EPS8: variants seen among roughly 807,000 people sequenced by gnomAD.
EPS8 encodes the protein EGFR pathway substrate 8, signaling adaptor.
In EPS8, 42 loss-of-function variants were observed where a neutral mutation model predicts 103.8. The observed-to-expected ratio is 0.40, with a 90% CI of 0.32 to 0.52. The LOEUF is 0.52. Ranked by LOEUF, EPS8 falls within the 20% of genes least tolerant of loss-of-function variation. The probability of loss-of-function intolerance (pLI) is 0.40; values close to 1 mark genes in which losing one functional copy is unlikely to be tolerated. For missense variants in EPS8, 969 were observed against 1,005.1 expected (o/e 0.96, Z 0.49); for synonymous variants, 344 against 344.6 (o/e 1.00, Z 0.02).
Position 15,696,319 on chromosome 12 carries a change from C to T in EPS8, c.-21-13347G>A, listed in dbSNP as rs569066284. On this transcript the variant is annotated intron_variant, in intron 1 of 20. Transcript: ENST00000281172. The surrounding 1 kb of genome is among the most constrained non-coding windows in gnomAD (Gnocchi z 4.8). ...AAATAAAACAGTAAAATCTATAAAA[C>T]ACTAACTTTAGAGACTTTCCAAGTT... Among the ~76,000 whole-genome samples the T allele has an allele frequency of 2.0e-5, 3 of 151,988 alleles. No homozygotes were observed. The highest frequency in any genetic ancestry group is 4.4e-5 in the Non-Finnish European group (3 of 67,984).
At chr12:15,680,293 C>T (rs561634510) in intron 3 of EPS8, among the ~76,000 whole-genome samples, 1 of 152,244 alleles carries the variant, frequency 6.6e-6, no homozygotes, top group South Asian at 2.1e-4. Flanking sequence ...AAGAATTTCA[C>T]AATTTAGAAA....
intron 1 of EPS8, among the ~76,000 whole-genome samples, chr12:15,732,550 A>G (rs1053859563): frequency 1.3e-5 from 2 of 152,234 alleles, no homozygotes; most frequent in African/African-American, 4.8e-5. Flanking sequence ...AAGACTATGA[A>G]GCCCGGCCTA....
intron 1 of EPS8, among the ~76,000 whole-genome samples, chr12:15,732,198 G>A (rs1033021409): frequency 7.2e-5 from 11 of 152,096 alleles, no homozygotes; most frequent in Non-Finnish European, 1.5e-4. Context: ...TCATCTTAAC[G>A]AGATGAATGG....
At chr12:15,783,551 A>G (rs1947280906) in intron 1 of EPS8, among the ~76,000 whole-genome samples, 1 of 152,156 alleles carries the variant, frequency 6.6e-6, no homozygotes, top group South Asian at 2.1e-4. Flanking sequence ...TAGCTGGTGC[A>G]TACATCAACT....
In EPS8 at chr12:15,702,314, C is replaced by G. The variant is rs912432177; in HGVS notation, c.-21-19342G>C. Among the ~76,000 whole-genome samples, 1 of 152,100 alleles carries G rather than the reference C, an allele frequency of 6.6e-6. No homozygotes were observed. The highest frequency in any genetic ancestry group is 2.4e-5 in the African/African-American group (1 of 41,416). ...ATCATCCTATTTCCTTAAAATCTAT[C>G]GTTTACACAGGCGACAAGGTGAATA... On this transcript the variant is annotated intron_variant, in intron 1 of 20. Transcript: ENST00000281172. The surrounding 1 kb of genome is among the most constrained non-coding windows in gnomAD (Gnocchi z 5.1).
At chr12:15,668,920 C>G (rs1350910966) in intron 6 of EPS8, among the ~76,000 whole-genome samples, 1 of 152,156 alleles carries the variant, frequency 6.6e-6, no homozygotes, top group East Asian at 1.9e-4. Context: ...GAGACACAAT[C>G]TCAATCTGTT....
At chr12:15,679,880 A>T (rs575564725) in intron 3 of EPS8, among the ~76,000 whole-genome samples, 6 of 152,234 alleles carry the variant, frequency 3.9e-5, no homozygotes, top group Non-Finnish European at 8.8e-5. Context: ...TCTAGAAATG[A>T]AAGACTGAAT....
In EPS8 at chr12:15,667,871, A is replaced by G. The variant is rs191439922; in HGVS notation, c.517-1349T>C. Among the ~76,000 whole-genome samples, 38 of 152,286 alleles carry G rather than the reference A, an allele frequency of 2.5e-4. No homozygotes were observed. The East Asian group carries it at 6.6e-3, about 26-fold the overall frequency. On this transcript the variant is annotated intron_variant, in intron 6 of 20. Coordinates refer to ENST00000281172, the MANE Select transcript of EPS8 (RefSeq NM_004447.6). ...GGACAAAACTATATTCAGTAAATAC[A>G]TTTTGAATCCATTATCATTACCATT...
chr12:15,637,060 C>T (rs991501035), intron 17 of EPS8, among the ~76,000 whole-genome samples: 1 of 152,210 alleles, frequency 6.6e-6, no homozygotes, highest in Non-Finnish European at 1.5e-5. Context: ...CTCGCTCTGT[C>T]GCCAGGCTGG....
At chr12:15,639,155 C>T (rs1460176504) in intron 17 of EPS8, among the ~76,000 whole-genome samples, 4 of 152,120 alleles carry the variant, frequency 2.6e-5, no homozygotes, top group African/African-American at 9.7e-5. Flanking sequence ...ATGAATAGTG[C>T]TTCTCATAGC....
chr12:15,674,943 T>C (rs748772732), intron 3 of EPS8, among the ~76,000 whole-genome samples: 1 of 152,210 alleles, frequency 6.6e-6, no homozygotes, highest in Non-Finnish European at 1.5e-5. Context: ...TCTTAAGTAC[T>C]ACTTGAATGT....
chr12:15,648,062 C>G (rs1265195316), intron 14 of EPS8, among the ~76,000 whole-genome samples: 1 of 152,226 alleles, frequency 6.6e-6, no homozygotes, highest in Non-Finnish European at 1.5e-5. Flanking sequence ...CGCAGCTCAT[C>G]TGACAGGAGA....
chr12:15,786,425 G>A (rs545137082), intron 1 of EPS8, among the ~76,000 whole-genome samples: 2 of 152,178 alleles, frequency 1.3e-5, no homozygotes, highest in Admixed American at 6.5e-5. Context: ...GAGACATTAC[G>A]AGGAAATACA....
In EPS8 at chr12:15,688,566, C is replaced by T. The variant is rs1428281700; in HGVS notation, c.-21-5594G>A. ...CAGCTGGACATTGAGAGGGGCACAT[C>T]GGCAGAGGAACACACCAACAGGCAC... On this transcript the variant is annotated intron_variant, in intron 1 of 20. Coordinates refer to ENST00000281172, the MANE Select transcript of EPS8 (RefSeq NM_004447.6). The surrounding 1 kb of genome is among the most constrained non-coding windows in gnomAD (Gnocchi z 5.1). 6.6e-6 allele frequency among the ~76,000 whole-genome samples: 1 copy of T among 152,086 alleles called. No individual in the cohort carries two copies. The highest frequency in any genetic ancestry group is 2.4e-5 in the African/African-American group (1 of 41,416).
rs142890819 is a variant in EPS8 at position 15,714,700 on chromosome 12, T to C, written c.-21-31728A>G. The stretch of plus-strand genomic sequence containing the variant: ...CTGCTTGTTGCCAGTGCAGTATTCT[T>C]GGGGCAAATGGGAAATGGGTAAAAA... On this transcript the variant is annotated intron_variant, in intron 1 of 20. Transcript: ENST00000281172. The surrounding 1 kb of genome is among the most constrained non-coding windows in gnomAD (Gnocchi z 4.1). Among the ~76,000 whole-genome samples, 1 of 152,300 alleles carries C rather than the reference T, an allele frequency of 6.6e-6. No individual in the cohort carries two copies. Among genetic ancestry groups the C allele is most frequent in the African/African-American group, 2.4e-5 (1 of 41,560 alleles).
chr12:15,681,236 C>A lies in EPS8; in HGVS notation c.126G>T (p.Lys42Asn), dbSNP rs767403841. The A allele has an allele frequency of 1.0e-5, 16 of 1,564,482 alleles. No individual in the cohort carries two copies. The highest frequency in any genetic ancestry group is 1.4e-5 in the Non-Finnish European group (16 of 1,149,130). Residue 42 changes from lysine (K) to asparagine (N), a missense_variant, in exon 3 of 21, where the codon AAG becomes AAT. By Grantham distance (94) the Lys-to-Asn change is moderately conservative. Transcript: ENST00000281172. Reference protein sequence around the residue: ...DREHGSKTSAKALYEQRKNYA... With the variant: ...DREHGSKTSANALYEQRKNYA... ...AATAAACAAACCTACCATAAAGGGCCTTTGCACTTGTTTTTGAACCATGTT... is the reference window on the plus strand; with the variant it reads ...AATAAACAAACCTACCATAAAGGGCATTTGCACTTGTTTTTGAACCATGTT...
Position 15,769,165 on chromosome 12 carries a change from C to A in EPS8, c.-22+19996G>T, listed in dbSNP as rs1947128311. On this transcript the variant is annotated intron_variant, in intron 1 of 20. Coordinates refer to ENST00000281172, the MANE Select transcript of EPS8 (RefSeq NM_004447.6). This position sits in a 1 kb window ranked among gnomAD's most constrained non-coding sequence, Gnocchi z 4.6. Reference sequence around the variant, plus strand: ...ATTAACCAGGATCACATGAACTAACCTGAAAGAAAAAAACAGGAGTTCTCT... The same window carrying A: ...ATTAACCAGGATCACATGAACTAACATGAAAGAAAAAAACAGGAGTTCTCT... Among the ~76,000 whole-genome samples the A allele has an allele frequency of 6.6e-6, 1 of 151,792 alleles. No individual in the cohort carries two copies. The highest frequency in any genetic ancestry group is 2.4e-5 in the African/African-American group (1 of 41,336).
intron 3 of EPS8, among the ~76,000 whole-genome samples, chr12:15,679,947 T>A (rs1945976011): frequency 6.6e-6 from 1 of 152,230 alleles, no homozygotes; most frequent in African/African-American, 2.4e-5. Flanking sequence ...TTCTCCAGAC[T>A]TTAAGTCCCT....
intron 3 of EPS8, among the ~76,000 whole-genome samples, chr12:15,679,973 T>C (rs1419138650): frequency 1.3e-5 from 2 of 152,232 alleles, no homozygotes; most frequent in Admixed American, 1.3e-4. Context: ...TCAGGGATCA[T>C]ATATTTTTGG....
Sources: allele counts gnomAD v4.1 joint callset (sites outside exome capture counted in the v4.1 genomes callset), GRCh38; gene constraint gnomAD v4.1.1; non-coding constraint Gnocchi (gnomAD v3.1); transcripts MANE v1.5; gene names NCBI Gene and HGNC (gene_info 2026-07-23, HGNC 2026-07-21).